PFKFB1: variants seen among roughly 807,000 people sequenced by gnomAD.
The protein encoded by PFKFB1 is 6-phosphofructo-2-kinase/fructose-2,6-biphosphatase 1, also known as 6-phosphofructo-2-kinase/fructose-2,6-bisphosphatase 1.
In PFKFB1, 34 loss-of-function variants were observed where a neutral mutation model predicts 46.4. The observed-to-expected ratio is 0.73, with a 90% CI of 0.56 to 0.98. The LOEUF (loss-of-function observed/expected upper bound fraction) is 0.98. PFKFB1 is among the 50% of genes least tolerant of loss of function. PFKFB1 has a pLI of 0.00. For synonymous variants in PFKFB1, 119 were observed against 133.8 expected, an observed-to-expected ratio of 0.89 and a Z score of 0.76; for missense variants, 393 against 376.3, an observed-to-expected ratio of 1.04 and a Z score of -0.37.
chrX:54,972,317 G>A (rs1235148564), intron 1 of PFKFB1, among the ~76,000 whole-genome samples: 2 of 108,822 alleles, frequency 1.8e-5, no homozygotes, highest in Non-Finnish European at 3.8e-5. Context: ...TTTCCTAATT[G>A]AATACCCTTT....
chrX:54,945,548 G>A lies in PFKFB1; in HGVS notation c.994-5C>T. The A allele has an allele frequency of 9.1e-7, 1 of 1,098,986 alleles. No homozygotes were observed. Among genetic ancestry groups the A allele is most frequent in the Non-Finnish European group, 1.2e-6 (1 of 800,915 alleles). The allele number at this position is 1,098,986 out of a possible 1,213,427, so 90.6% of individuals were successfully genotyped here. On this transcript the variant is annotated splice_region_variant and splice_polypyrimidine_tract_variant and intron_variant, in intron 9 of 13. Coordinates refer to ENST00000375006, the MANE Select transcript of PFKFB1 (RefSeq NM_002625.4). ...GGTCATCTCCTCACAGACACCCTGA[G>A]AAAAAGTATTTGGGGGCGAAAGTAT...
chrX:54,956,863 C>T (rs1345327748), intron 6 of PFKFB1, among the ~76,000 whole-genome samples: 3 of 110,900 alleles, frequency 2.7e-5, no homozygotes, highest in Non-Finnish European at 5.7e-5. Context: ...ATCATCTCCT[C>T]TAAATATCCA....
At position 54,933,386 on chromosome X, in the gene PFKFB1, G is replaced by A. The variant is rs1349485317; in HGVS notation, c.*17C>T. ...AAGGCGATGAGGACACAGGCAGTTT[G>A]ACTTCTTGGAAAGGGCTCAGTAGTG... On this transcript the variant is annotated 3_prime_UTR_variant, in exon 14 of 14. Transcript: ENST00000375006. The A allele has an allele frequency of 8.4e-7, 1 of 1,186,678 alleles. No individual in the cohort carries two copies. Among genetic ancestry groups the A allele is most frequent in the South Asian group, 1.8e-5 (1 of 56,411 alleles).
chrX:54,970,436 T>G (rs907600192), intron 1 of PFKFB1, among the ~76,000 whole-genome samples: 1 of 102,745 alleles, frequency 9.7e-6, no homozygotes, highest in African/African-American at 3.6e-5. Flanking sequence ...GCTGCACCCA[T>G]TAACTCGTCA....
intron 1 of PFKFB1, among the ~76,000 whole-genome samples, chrX:54,982,735 T>C (rs1935026136): frequency 9.0e-6 from 1 of 111,196 alleles, no homozygotes; most frequent in East Asian, 2.8e-4. Flanking sequence ...GGGATGACTG[T>C]ATATGCAATG....
At chrX:54,935,722 A>G in intron 11 of PFKFB1, among the ~76,000 whole-genome samples, 1 of 110,975 alleles carries the variant, frequency 9.0e-6, no homozygotes, top group East Asian at 2.9e-4. Context: ...TGAACCTGGG[A>G]CCCTGTGAGG....
intron 1 of PFKFB1, among the ~76,000 whole-genome samples, chrX:54,970,383 A>G (rs1276761019): frequency 9.3e-6 from 1 of 107,772 alleles, no homozygotes; most frequent in African/African-American, 3.4e-5. Flanking sequence ...CATGTGCACA[A>G]TGTGCAGGTT....
chrX:54,989,050 T>C (rs1460577033), intron 1 of PFKFB1, among the ~76,000 whole-genome samples: 1 of 111,462 alleles, frequency 9.0e-6, no homozygotes, highest in Non-Finnish European at 1.9e-5. Context: ...AGACTGAAAG[T>C]AGATTAGTGG....
At chrX:54,966,251 T>C (rs903356930) in intron 1 of PFKFB1, among the ~76,000 whole-genome samples, 1 of 111,864 alleles carries the variant, frequency 8.9e-6, no homozygotes, top group Admixed American at 9.5e-5. Flanking sequence ...AACTCAAATA[T>C]AAAACTCTGA....
intron 10 of PFKFB1, among the ~76,000 whole-genome samples, chrX:54,942,706 A>T (rs1382867702): frequency 8.9e-6 from 1 of 111,979 alleles, no homozygotes; most frequent in East Asian, 2.8e-4. Context: ...AAGATAAGGG[A>T]TGCCACAATA....
In PFKFB1 at chrX:54,951,995, G is replaced by A. The variant is rs1216886295; in HGVS notation, c.756C>T (p.Arg252=). 23 of 1,209,618 alleles carry A rather than the reference G, an allele frequency of 1.9e-5. No homozygotes were observed. Among genetic ancestry groups the A allele is most frequent in the Non-Finnish European group, 2.3e-5 (21 of 894,631 alleles). The change falls in exon 8 of 14, where the codon CGC becomes CGT. Residue 252 remains arginine, a synonymous_variant. Transcript: ENST00000375006. ...CGCCATGTCGGCAAAGGTAGATGGA[G>A]CGAGGTGTGACATGGATATTCATGA... The part of the protein sequence containing the change: ...YYLMNIHVTP[R]SIYLCRHGES...
At chrX:54,992,404 C>A (rs763247225) in intron 1 of PFKFB1, among the ~76,000 whole-genome samples, 2 of 112,115 alleles carry the variant, frequency 1.8e-5, no homozygotes, top group African/African-American at 3.2e-5. Flanking sequence ...CTTCCTTTTA[C>A]AAGTGAGGAA....
At chrX:54,972,534 G>T (rs981884366) in intron 1 of PFKFB1, among the ~76,000 whole-genome samples, 11 of 111,518 alleles carry the variant, frequency 9.9e-5, no homozygotes, top group African/African-American at 1.6e-4. Flanking sequence ...TTTATTGAGA[G>T]TTTTTAGCAT....
chrX:54,989,752 T>C (rs1354537486), intron 1 of PFKFB1, among the ~76,000 whole-genome samples: 1 of 111,859 alleles, frequency 8.9e-6, no homozygotes, highest in Non-Finnish European at 1.9e-5. Context: ...AAAATAGAAA[T>C]GACAAGAGCA....
chrX:54,974,084 C>G (rs1322732392), intron 1 of PFKFB1, among the ~76,000 whole-genome samples: 2 of 111,381 alleles, frequency 1.8e-5, no homozygotes, highest in Non-Finnish European at 1.9e-5. Flanking sequence ...AATAAAAACC[C>G]TATCAGGATA....
chrX:54,959,809 A>G lies in PFKFB1; in HGVS notation c.384+18T>C. 1.7e-6 allele frequency: 2 copies of G among 1,157,877 alleles called. No individual in the cohort carries two copies. Reference sequence around the variant, plus strand: ...CTTCCCAGTAGTTACCCAAGGAAAAAATAAAAAATTTCTTTACCGCAACAT... The same window carrying G: ...CTTCCCAGTAGTTACCCAAGGAAAAGATAAAAAATTTCTTTACCGCAACAT... On this transcript the variant is annotated intron_variant, in intron 4 of 13. Coordinates refer to ENST00000375006, the MANE Select transcript of PFKFB1 (RefSeq NM_002625.4).
chrX:54,997,241 G>A (rs1935370361), upstream of PFKFB1, among the ~76,000 whole-genome samples: 1 of 111,816 alleles, frequency 8.9e-6, no homozygotes, highest in Non-Finnish European at 1.9e-5. Context: ...GAGGTAGGAG[G>A]TGGCATCCAG....
At chrX:54,955,005 T>G (rs141712629) in intron 7 of PFKFB1, among the ~76,000 whole-genome samples, 90 of 112,064 alleles carry the variant, frequency 8.0e-4, no homozygotes, top group African/African-American at 2.8e-3. Flanking sequence ...TTTCACCATA[T>G]GCTGTTAGCC....
At chrX:54,987,861 C>T (rs1935146132) in intron 1 of PFKFB1, among the ~76,000 whole-genome samples, 1 of 111,367 alleles carries the variant, frequency 9.0e-6, no homozygotes, top group African/African-American at 3.2e-5. Flanking sequence ...GAAAAACCCA[C>T]AGTGAATATC....
Sources: allele counts gnomAD v4.1 joint callset (sites outside exome capture counted in the v4.1 genomes callset), GRCh38; gene constraint gnomAD v4.1.1; transcripts MANE v1.5; gene names NCBI Gene and HGNC (gene_info 2026-07-23, HGNC 2026-07-21).